EXTL3: variants seen among roughly 807,000 people sequenced by gnomAD.
EXTL3 encodes the protein exostosin like glycosyltransferase 3.
A neutral mutation model predicts 69.3 loss-of-function variants in EXTL3; 27 were observed. That is an observed-to-expected ratio of 0.39 (90% CI 0.29 to 0.54). The LOEUF (loss-of-function observed/expected upper bound fraction) is 0.54. EXTL3 is among the 20% of genes least tolerant of loss of function. EXTL3 has a pLI of 0.69. For missense variants in EXTL3, 1,003 were observed against 1,231.8 expected (o/e 0.81, Z 2.78); for synonymous variants, 511 against 499.4 (o/e 1.02, Z -0.31).
intron 1 of EXTL3, among the ~76,000 whole-genome samples, chr8:28,676,984 C>G (rs779146215): frequency 6.6e-6 from 1 of 152,060 alleles, no homozygotes; most frequent in Admixed American, 6.6e-5. Context: ...GGAATAGGCT[C>G]GTCTCTTGGC....
intron 1 of EXTL3, among the ~76,000 whole-genome samples, chr8:28,672,851 A>T (rs1210931505): frequency 2.0e-5 from 3 of 152,182 alleles, no homozygotes; most frequent in Non-Finnish European, 4.4e-5. Flanking sequence ...TGGCTTCCAC[A>T]ATTCTCACGT....
intron 3 of EXTL3, among the ~76,000 whole-genome samples, chr8:28,723,353 C>T (rs1801338617): frequency 6.6e-6 from 1 of 152,068 alleles, no homozygotes; most frequent in Non-Finnish European, 1.5e-5. Flanking sequence ...CTGTGGGTTT[C>T]TGTTTGCGAA....
chr8:28,678,827 G>A (rs550981490), intron 1 of EXTL3, among the ~76,000 whole-genome samples: 1 of 152,258 alleles, frequency 6.6e-6, no homozygotes, highest in South Asian at 2.1e-4. Flanking sequence ...CCAACTGTTT[G>A]GTGTCTTAGC....
At chr8:28,705,558 A>G (rs1278799577) in intron 1 of EXTL3, among the ~76,000 whole-genome samples, 1 of 134,806 alleles carries the variant, frequency 7.4e-6, no homozygotes, top group Non-Finnish European at 1.6e-5. Context: ...CCTGTCTCTT[A>G]AAAAAAAAAA....
intron 1 of EXTL3, among the ~76,000 whole-genome samples, chr8:28,635,672 C>G (rs1806641939): frequency 6.6e-6 from 1 of 150,400 alleles, no homozygotes; most frequent in African/African-American, 2.4e-5. Context: ...GATCGCACCA[C>G]TGCACTCCAG....
chr8:28,672,876 C>T (rs1373697285), intron 1 of EXTL3, among the ~76,000 whole-genome samples: 1 of 152,082 alleles, frequency 6.6e-6, no homozygotes, highest in African/African-American at 2.4e-5. Context: ...TGGGAGGGAC[C>T]CGGTGGGAGG....
Position 28,716,628 on chromosome 8 carries a change from T to G in EXTL3, c.569T>G (p.Leu190Arg). The change falls in exon 3 of 7, where the codon CTC (leucine) becomes CGC (arginine). Residue 190 changes from leucine (L) to arginine (R), a missense_variant. This residue lies in a region of EXTL3 where 742 missense variants were observed against 815.4 expected (regional missense o/e 0.91). Coordinates refer to ENST00000220562, the MANE Select transcript of EXTL3 (RefSeq NM_001440.4). The surrounding 1 kb of genome is among the most constrained non-coding windows in gnomAD (Gnocchi z 7.1). ...TGCTTTGATTATTCTCGTTGCCCTC[T>G]CACCTCTGGCTTCCCGGTCTACGTC... ...HNCFDYSRCP[L>R]TSGFPVYVYD... The G allele has an allele frequency of 6.2e-7, 1 of 1,614,242 alleles. No homozygotes were observed. The highest frequency in any genetic ancestry group is 8.5e-7 in the Non-Finnish European group (1 of 1,180,036).
chr8:28,724,922 G>T (rs1801380822), intron 3 of EXTL3, among the ~76,000 whole-genome samples: 1 of 152,132 alleles, frequency 6.6e-6, no homozygotes, highest in Non-Finnish European at 1.5e-5. Flanking sequence ...AGGTCCTCCT[G>T]AGCTGGGTGG....
At chr8:28,743,722 C>G (rs912936917) in intron 6 of EXTL3, among the ~76,000 whole-genome samples, 1 of 152,188 alleles carries the variant, frequency 6.6e-6, no homozygotes, top group African/African-American at 2.4e-5. Flanking sequence ...CTGTGTTTTA[C>G]TGTAACTCGT....
At chr8:28,638,437 T>A (rs1369433275) in intron 1 of EXTL3, among the ~76,000 whole-genome samples, 1 of 152,212 alleles carries the variant, frequency 6.6e-6, no homozygotes, top group Non-Finnish European at 1.5e-5. Context: ...AAGGTCGTCA[T>A]GCTCAGCCTC....
At chr8:28,736,090 A>T (rs1801646998) in intron 4 of EXTL3, among the ~76,000 whole-genome samples, 1 of 152,176 alleles carries the variant, frequency 6.6e-6, no homozygotes, top group Non-Finnish European at 1.5e-5. Context: ...TGGTTGCACG[A>T]CACTGTGAAT....
chr8:28,643,878 C>T (rs1415528303), intron 1 of EXTL3, among the ~76,000 whole-genome samples: 1 of 152,056 alleles, frequency 6.6e-6, no homozygotes, highest in African/African-American at 2.4e-5. Flanking sequence ...TGAACCTCCC[C>T]CCTGAGCCTC....
intron 1 of EXTL3, among the ~76,000 whole-genome samples, chr8:28,639,772 T>C (rs1806714797): frequency 6.6e-6 from 1 of 152,242 alleles, no homozygotes; most frequent in Admixed American, 6.5e-5. Flanking sequence ...ATTCTACTTT[T>C]TCCATCTTAG....
upstream of EXTL3, among the ~76,000 whole-genome samples, chr8:28,622,049 T>C (rs1806416732): frequency 1.3e-5 from 2 of 152,228 alleles, no homozygotes; most frequent in Non-Finnish European, 2.9e-5. Context: ...ATTCCAATTT[T>C]AGCCCCTGTC....
chr8:28,637,241 G>C (rs1473006418), intron 1 of EXTL3: 1 of 151,996 alleles, frequency 6.6e-6, no homozygotes, highest in African/African-American at 2.4e-5. Flanking sequence ...TAATCAACTG[G>C]ACTCTCCTAG....
At chr8:28,724,022 CTTG>C (rs1801356258) in intron 3 of EXTL3, among the ~76,000 whole-genome samples, 1 of 150,256 alleles carries the variant, frequency 6.7e-6, no homozygotes, top group African/African-American at 2.5e-5. Flanking sequence ...GAAGCACAAA[CTTG>C]TTTTTTTAAA....
intron 1 of EXTL3, chr8:28,637,288 G>T (rs1806671497): frequency 6.6e-6 from 1 of 152,058 alleles, no homozygotes; most frequent in African/African-American, 2.4e-5. Flanking sequence ...TCTCTCTCCT[G>T]TTCTCCGCAG....
At position 28,717,600 on chromosome 8, in the gene EXTL3, T is replaced by A; in HGVS notation, c.1541T>A (p.Phe514Tyr). The stretch of plus-strand genomic sequence containing the variant: ...CTGGCTATGAGGCGGCAAGGCCGCT[T>A]TCTCTGGGAGACTTACTTCTCCACT... Reference protein sequence around the residue: ...DLLAMRRQGRFLWETYFSTAD... With the variant: ...DLLAMRRQGRYLWETYFSTAD... Residue 514 changes from phenylalanine (F) to tyrosine (Y), a missense_variant, in exon 3 of 7, where the codon TTT becomes TAT. Transcript: ENST00000220562. This position sits in a 1 kb window ranked among gnomAD's most constrained non-coding sequence, Gnocchi z 8.3. 2 of 1,614,242 alleles carry A rather than the reference T, an allele frequency of 1.2e-6. No homozygotes were observed. The highest frequency in any genetic ancestry group is 1.7e-6 in the Non-Finnish European group (2 of 1,180,046).
chr8:28,741,020 A>T (rs1801767393), intron 5 of EXTL3: 1 of 151,980 alleles, frequency 6.6e-6, no homozygotes, highest in Non-Finnish European at 1.5e-5. Flanking sequence ...ACAGTAGTGC[A>T]ATCTTGGCTC....
Sources: allele counts gnomAD v4.1 joint callset (sites outside exome capture counted in the v4.1 genomes callset), GRCh38; gene constraint gnomAD v4.1.1; regional missense constraint gnomAD v4.1.1; non-coding constraint Gnocchi (gnomAD v3.1); transcripts MANE v1.5; gene names NCBI Gene and HGNC (gene_info 2026-07-23, HGNC 2026-07-21).